The following MYO9B variants were observed in gnomAD, a reference collection of about 807,000 sequenced individuals.
The protein encoded by MYO9B is myosin IXB, also known as unconventional myosin-IXb.
A neutral mutation model predicts 229.5 loss-of-function variants in MYO9B; 71 were observed. The ratio of observed to expected loss-of-function variants is 0.31; its 90% CI spans 0.26 to 0.38. MYO9B has a LOEUF of 0.38. Ranked by LOEUF, MYO9B falls within the 10% of genes least tolerant of loss-of-function variation. MYO9B has a pLI of 1.00. For missense variants in MYO9B, 2,255 were observed against 2,920.5 expected, an observed-to-expected ratio of 0.77 and a Z score of 5.25; for synonymous variants, 1,185 against 1,235.8, an observed-to-expected ratio of 0.96 and a Z score of 0.86.
chr19:17,077,349 G>A (rs2057495016), intron 1 of MYO9B, among the ~76,000 whole-genome samples: 1 of 152,240 alleles, frequency 6.6e-6, no homozygotes, highest in Admixed American at 6.5e-5. Context: ...GCCACAGAAA[G>A]ATAAGCACCC....
In MYO9B at chr19:17,175,887, C is replaced by G. The variant is rs1032348949; in HGVS notation, c.2219+146C>G. On this transcript the variant is annotated intron_variant, in intron 14 of 39. Transcript: ENST00000682292. ...CGCTCTTGTTGCCCAGGCTGGAGTG[C>G]AATGGCGCAATCTCGGCTCACCCCA... 1.1e-4 allele frequency: 68 copies of G among 625,126 alleles called. No homozygotes were observed. In the African/African-American group the frequency reaches 1.3e-3, roughly 12 times the overall value. 38.7% of individuals were successfully genotyped at this position (625,126 alleles called of 1,614,324 possible).
At chr19:17,201,293 C>CAG (rs1428942843) in intron 26 of MYO9B, among the ~76,000 whole-genome samples, 1 of 150,050 alleles carries the variant, frequency 6.7e-6, no homozygotes, top group Non-Finnish European at 1.5e-5. Context: ...CTGTGTGCAA[C>CAG]AGAAGTGGAG....
chr19:17,163,223 G>A lies in MYO9B; in HGVS notation c.1671+101G>A, dbSNP rs2145319562. On this transcript the variant is annotated intron_variant, in intron 10 of 39. Transcript: ENST00000682292. ...TTTGTAAATATTCAGTTCAGCGGCG[G>A]TAAGTACATTCACATATTCGCATTG... 8.5e-6 allele frequency: 11 copies of A among 1,292,516 alleles called. No homozygotes were observed. The South Asian group carries it at 1.4e-4, about 17-fold the overall frequency. The allele number at this position is 1,292,516 out of a possible 1,614,324, so 80.1% of individuals were successfully genotyped here.
intron 7 of MYO9B, chr19:17,157,801 A>G (rs547791589): frequency 1.8e-4 from 27 of 152,336 alleles, no homozygotes; most frequent in African/African-American, 6.5e-4. Context: ...AGATTGCTTG[A>G]GCCTAGGAGT....
At chr19:17,098,158 G>A (rs1164128033) in intron 1 of MYO9B, among the ~76,000 whole-genome samples, 4 of 151,122 alleles carry the variant, frequency 2.6e-5, no homozygotes, top group Non-Finnish European at 4.4e-5. Flanking sequence ...AGATTCAAGC[G>A]ATTCTCCTGC....
At chr19:17,139,582 A>C (rs1397967550) in intron 2 of MYO9B, among the ~76,000 whole-genome samples, 1 of 152,098 alleles carries the variant, frequency 6.6e-6, no homozygotes, top group Non-Finnish European at 1.5e-5. Flanking sequence ...TCTTCTCTAC[A>C]AGAAAATAAG....
chr19:17,200,953 C>G, intron 26 of MYO9B, 124 bp downstream of exon 26: 1 of 1,145,388 alleles, frequency 8.7e-7, no homozygotes. Context: ...AAAGTCCAGG[C>G]TCAGGCCGGG....
chr19:17,097,145 AAC>A (rs1403355317), intron 1 of MYO9B, among the ~76,000 whole-genome samples: 1 of 151,754 alleles, frequency 6.6e-6, no homozygotes, highest in Non-Finnish European at 1.5e-5. Context: ...AAAACAGAGA[AAC>A]ACTGTCTCTA....
chr19:17,160,508 T>TTA, intron 8 of MYO9B, among the ~76,000 whole-genome samples: 1 of 123,070 alleles, frequency 8.1e-6, no homozygotes. Flanking sequence ...CTTCTTTTTT[T>TTA]TCTTTTTTTT....
chr19:17,121,868 TC>T (rs1394814998), intron 2 of MYO9B, among the ~76,000 whole-genome samples: 4 of 151,822 alleles, frequency 2.6e-5, no homozygotes, highest in Non-Finnish European at 5.9e-5. Flanking sequence ...TGCCTGTAGT[TC>T]CAGCTACTCT....
chr19:17,143,293 G>C (rs770127100), intron 2 of MYO9B, among the ~76,000 whole-genome samples: 1 of 151,912 alleles, frequency 6.6e-6, no homozygotes, highest in Non-Finnish European at 1.5e-5. Context: ...CAGAGATAAA[G>C]AGTGAAATGT....
At position 17,188,669 on chromosome 19, in the gene MYO9B, T is replaced by C. The variant is rs139091940; in HGVS notation, c.2688+624T>C. ...TATAAAAAATGCAGAAATGCTGGTG[T>C]ATTTTACCAGTGCTTGGCCCTTAAA... On this transcript the variant is annotated intron_variant, in intron 19 of 39. Transcript: ENST00000682292. Among the ~76,000 whole-genome samples, 84 of 152,314 alleles carry C rather than the reference T, an allele frequency of 5.5e-4. No homozygotes were observed. The East Asian group carries it at 0.014, about 25-fold the overall frequency.
chr19:17,182,067 G>GC (rs1568289498), intron 15 of MYO9B, among the ~76,000 whole-genome samples: 1 of 147,862 alleles, frequency 6.8e-6, no homozygotes, highest in Admixed American at 6.7e-5. Flanking sequence ...ATGATTCACC[G>GC]CCCTTTTTTT....
intron 3 of MYO9B, among the ~76,000 whole-genome samples, chr19:17,151,262 G>A (rs2072473691): frequency 1.4e-5 from 2 of 144,426 alleles, no homozygotes; most frequent in South Asian, 4.4e-4. Flanking sequence ...TCGGCAACGA[G>A]AGCAAAACTC....
At chr19:17,173,696 G>T (rs911648608) in intron 13 of MYO9B, among the ~76,000 whole-genome samples, 1 of 152,190 alleles carries the variant, frequency 6.6e-6, no homozygotes, top group African/African-American at 2.4e-5. Flanking sequence ...ATGGTTTGAG[G>T]CAGGGGGTGT....
intron 2 of MYO9B, among the ~76,000 whole-genome samples, chr19:17,144,936 C>T (rs1490680552): frequency 6.8e-6 from 1 of 147,404 alleles, no homozygotes; most frequent in African/African-American, 2.5e-5. Context: ...CGCCCCTGCA[C>T]TCCAGCCAAG....
chr19:17,134,622 A>G (rs2072246740), intron 2 of MYO9B, among the ~76,000 whole-genome samples: 1 of 151,406 alleles, frequency 6.6e-6, no homozygotes, highest in Non-Finnish European at 1.5e-5. Context: ...AACTGACCTC[A>G]AGTGATCTGC....
chr19:17,177,195 T>C (rs2072799943), intron 14 of MYO9B, among the ~76,000 whole-genome samples: 1 of 151,758 alleles, frequency 6.6e-6, no homozygotes, highest in South Asian at 2.1e-4. Flanking sequence ...AGCAAGACTC[T>C]GTCTCAAAAA....
intron 3 of MYO9B, among the ~76,000 whole-genome samples, chr19:17,149,710 C>A (rs2072455987): frequency 6.6e-6 from 1 of 152,218 alleles, no homozygotes; most frequent in South Asian, 2.1e-4. Context: ...TCCAAGCCTC[C>A]CCACCCAGTT....
Sources: gnomAD v4.1 joint callset for allele counts (sites outside exome capture counted in the v4.1 genomes callset) on GRCh38, gnomAD v4.1.1 for gene constraint, MANE v1.5 for transcripts, NCBI Gene and HGNC (gene_info 2026-07-23, HGNC 2026-07-21) for gene names.